GSTM5: variants seen among roughly 807,000 people sequenced by gnomAD.
GSTM5 encodes glutathione S-transferase mu 5.
Under a neutral mutation model 29.0 loss-of-function variants are expected in GSTM5, and 24 were observed. The ratio of observed to expected loss-of-function variants is 0.83; its 90% confidence interval spans 0.60 to 1.16. The LOEUF is 1.16. GSTM5 is among the 50% of genes most tolerant of loss of function. The pLI, the probability that GSTM5 is intolerant of heterozygous loss-of-function variation, is 0.00. For missense variants in GSTM5, 290 were observed against 263.0 expected (o/e 1.10, Z -0.71); for synonymous variants, 91 against 93.6 (o/e 0.97, Z 0.16).
At chr1:109,716,683 C>A (rs1008651871) in intron 7 of GSTM5, 1 of 152,728 alleles carries the variant, frequency 6.5e-6, no homozygotes, top group Non-Finnish European at 1.5e-5. Flanking sequence ...TTACCCTATT[C>A]AGTTTCATCC....
chr1:109,712,705 C>G lies in GSTM5; in HGVS notation c.112+12C>G, dbSNP rs1648601804. The G allele has an allele frequency of 6.2e-7, 1 of 1,613,798 alleles. No individual in the cohort carries two copies. The highest frequency in any genetic ancestry group is 8.5e-7 in the Non-Finnish European group (1 of 1,179,656). ...CACGCTGGGGGACGGTAATGGCACC[C>G]TCGTGTCCGGGCCCTGCCCACTCAC... is the stretch of plus-strand genomic sequence containing the variant. On this transcript the variant is annotated intron_variant, in intron 2 of 7. Coordinates refer to ENST00000256593, the MANE Select transcript of GSTM5 (RefSeq NM_000851.4).
In GSTM5 at chr1:109,712,691, A is replaced by G; in HGVS notation, c.110A>G (p.Asp37Gly). 6.2e-7 allele frequency: 1 copy of G among 1,613,762 alleles called. No homozygotes were observed. Among genetic ancestry groups the G allele is most frequent in the Non-Finnish European group, 8.5e-7 (1 of 1,179,764 alleles). Residue 37 changes from aspartate (D) to glycine (G), a missense_variant and splice_region_variant, in exon 2 of 8, where the codon GAC becomes GGC. Coordinates refer to ENST00000256593, the MANE Select transcript of GSTM5 (RefSeq NM_000851.4). ...GTGGAAAAGAAGTACACGCTGGGGG[A>G]CGGTAATGGCACCCTCGTGTCCGGG... ...SYVEKKYTLG[D>G]APDYDRSQWL...
In GSTM5 at chr1:109,713,772, C is replaced by A; in HGVS notation, c.360+11C>A. On this transcript the variant is annotated intron_variant, in intron 5 of 7. Transcript: ENST00000256593. ...TATGACCCAGATTTTGTGAGTCCCA[C>A]ACCCCACTCCCAGTCACCCATTTCC... 1.2e-6 allele frequency: 2 copies of A among 1,605,598 alleles called. No individual in the cohort carries two copies. The highest frequency in any genetic ancestry group is 1.7e-6 in the Non-Finnish European group (2 of 1,173,136).
rs201920628 is a variant in GSTM5, at chr1:109,713,199, G to A, written c.177+16G>A. On this transcript the variant is annotated intron_variant, in intron 3 of 7. Coordinates refer to ENST00000256593, the MANE Select transcript of GSTM5 (RefSeq NM_000851.4). The stretch of plus-strand genomic sequence containing the variant: ...CTTTCCCAATGTAGGTGCAGGGGAA[G>A]GGGCGGTTTTGGGGGAAAGTGCGAC... 4 of 1,612,164 alleles carry A rather than the reference G, an allele frequency of 2.5e-6. No individual in the cohort carries two copies. The highest frequency in any genetic ancestry group is 2.2e-5 in the East Asian group (1 of 44,898).
upstream of GSTM5, among the ~76,000 whole-genome samples, chr1:109,711,898 G>T (rs12731384): frequency 0.055 from 7,407 of 133,684 alleles, 470 homozygotes; most frequent in South Asian, 0.1. Flanking sequence ...ACTCGGCAGC[G>T]GAGAGAAGGC....
rs1402785043 is a variant in GSTM5 at position 109,715,187 on chromosome 1, C to A, written c.514C>A (p.Pro172Thr). The A allele has an allele frequency of 5.6e-6, 9 of 1,614,226 alleles. No homozygotes were observed. In the South Asian group the frequency reaches 9.9e-5, roughly 18 times the overall value. ...CCTTGACATGAAGCGTATATTTGAGCCCAAGTGCTTGGACGCCTTCCTAAA... is the reference window on the plus strand; with the variant it reads ...CCTTGACATGAAGCGTATATTTGAGACCAAGTGCTTGGACGCCTTCCTAAA... The part of the protein sequence containing the change: ...DVLDMKRIFE[P>T]KCLDAFLNLK... Residue 172 changes from proline to threonine, a missense_variant, in exon 7 of 8, where the codon CCC (proline) becomes ACC (threonine). Pro to Thr is a conservative substitution (Grantham distance 38, BLOSUM62 -1). Transcript: ENST00000256593.
At chr1:109,717,260 C>T (rs1648779860) in intron 7 of GSTM5, 77 bp from the exon 8 acceptor site, 2 of 1,089,828 alleles carry the variant, frequency 1.8e-6, no homozygotes, top group Non-Finnish European at 2.8e-6. Flanking sequence ...GGGCCCTGAC[C>T]TGCTGTGCCT....
chr1:109,716,844 C>G (rs926976787), intron 7 of GSTM5: 1 of 154,170 alleles, frequency 6.5e-6, no homozygotes, highest in Admixed American at 6.4e-5. Context: ...ATGTTTGTGC[C>G]GACAAGGAGT....
chr1:109,713,354 G>A, intron 3 of GSTM5, 130 bp from the exon 4 acceptor site: 2 of 1,406,794 alleles, frequency 1.4e-6, no homozygotes, highest in Non-Finnish European at 2.0e-6. Context: ...TCATTTATTA[G>A]TGTGACAGTA....
chr1:109,713,753 C>T lies in GSTM5; in HGVS notation c.352C>T (p.Pro118Ser), dbSNP rs769866395. The change falls in exon 5 of 8, where the codon CCA becomes TCA. Residue 118 changes from proline (P) to serine (S), a missense_variant. By Grantham distance (74) the Pro-to-Ser change is moderately conservative. Transcript: ENST00000256593. ...GGAGCTGGTCAGACTGTGCTATGAC[C>T]CAGATTTTGTGAGTCCCACACCCCA... ...HMELVRLCYD[P>S]DFEKLKPKYL... The T allele has an allele frequency of 6.2e-7, 1 of 1,612,354 alleles. No homozygotes were observed. The highest frequency in any genetic ancestry group is 8.5e-7 in the Non-Finnish European group (1 of 1,179,342).
At chr1:109,713,860 G>A in intron 5 of GSTM5, 99 bp downstream of exon 5, 1 of 748,374 alleles carries the variant, frequency 1.3e-6, no homozygotes, top group Non-Finnish European at 2.3e-6. Flanking sequence ...ACTCCGGCCA[G>A]CTGACTGGAG....
chr1:109,717,097 A>ACCCAGCACAGTGTAGATCTTT, intron 7 of GSTM5: 1 of 392,982 alleles, frequency 2.5e-6, no homozygotes, highest in Non-Finnish European at 4.7e-6. Context: ...GATATAAAGC[A>ACCCAGCACAGTGTAGATCTTT]CCCAGCACAG....
chr1:109,713,943 G>A (rs1237299555), intron 5 of GSTM5, 182 bp downstream of exon 5: 2 of 471,838 alleles, frequency 4.2e-6, no homozygotes, highest in Non-Finnish European at 7.7e-6. Context: ...TGGACATTTT[G>A]GAGAACCAGA....
chr1:109,715,139 G>T lies in GSTM5; in HGVS notation c.466G>T (p.Val156Leu), dbSNP rs1447214631. The change falls in exon 7 of 8, where the codon GTG becomes TTG. Residue 156 changes from valine to leucine, a missense_variant. Transcript: ENST00000256593. Reference protein sequence around the residue: ...PWFAGDKITFVDFLAYDVLDM... With the variant: ...PWFAGDKITFLDFLAYDVLDM... Reference sequence around the variant, plus strand: ...TCTTGGCCTTCTTCAGATCACCTTTGTGGATTTCCTTGCCTATGATGTCCT... The same window carrying T: ...TCTTGGCCTTCTTCAGATCACCTTTTTGGATTTCCTTGCCTATGATGTCCT... 6.2e-7 allele frequency: 1 copy of T among 1,614,126 alleles called. No individual in the cohort carries two copies. Among genetic ancestry groups the T allele is most frequent in the Non-Finnish European group, 8.5e-7 (1 of 1,180,056 alleles).
intron 7 of GSTM5, chr1:109,716,651 G>C (rs1450234887): frequency 6.5e-6 from 1 of 152,702 alleles, no homozygotes; most frequent in Non-Finnish European, 1.5e-5. Flanking sequence ...GCCTGGTCTG[G>C]CCTTCCTTTG....
intron 5 of GSTM5, 171 bp from the exon 6 acceptor site, chr1:109,714,776 G>A (rs1557971969): frequency 1.5e-6 from 1 of 668,848 alleles, no homozygotes; most frequent in East Asian, 2.6e-5. Context: ...CCCAGTCAGA[G>A]TCTAATAAAT....
rs1648791887 is a variant in GSTM5 at position 109,717,503 on chromosome 1, G to A, written c.*77G>A. 1 of 977,648 alleles carries A rather than the reference G, an allele frequency of 1.0e-6. No homozygotes were observed. The highest frequency in any genetic ancestry group is 1.7e-5 in the Admixed American group (1 of 58,018). 60.6% of individuals were successfully genotyped at this position (977,648 alleles called of 1,614,324 possible). On this transcript the variant is annotated 3_prime_UTR_variant, in exon 8 of 8. Coordinates refer to ENST00000256593, the MANE Select transcript of GSTM5 (RefSeq NM_000851.4). ...ACCCTGGAGGACAGCCTGACTCCCTGGACCTGCCTTCTTCCTTTTTCCTTC... is the reference window on the plus strand; with the variant it reads ...ACCCTGGAGGACAGCCTGACTCCCTAGACCTGCCTTCTTCCTTTTTCCTTC...
At position 109,713,500 on chromosome 1, in the gene GSTM5, A is replaced by G. The variant is rs747380458; in HGVS notation, c.194A>G (p.Asp65Gly). 6.2e-7 allele frequency: 1 copy of G among 1,614,202 alleles called. No individual in the cohort carries two copies. The highest frequency in any genetic ancestry group is 8.5e-7 in the Non-Finnish European group (1 of 1,180,036). Residue 65 changes from aspartate (D) to glycine (G), a missense_variant, in exon 4 of 8, where the codon GAT becomes GGT. Physicochemically the swap from Asp to Gly is moderately conservative, Grantham distance 94. Transcript: ENST00000256593. ...LDFPNLPYLIDGAHKITQSNA... is the reference protein window; with the variant it reads ...LDFPNLPYLIGGAHKITQSNA... ...TCTATCCAGCTGCCCTACTTGATTG[A>G]TGGGGCTCACAAGATCACCCAGAGC...
In GSTM5 at chr1:109,714,976, A is replaced by C; in HGVS notation, c.390A>C (p.Glu130Asp). 3.1e-6 allele frequency: 5 copies of C among 1,614,092 alleles called. No homozygotes were observed. The highest frequency in any genetic ancestry group is 4.2e-6 in the Non-Finnish European group (5 of 1,180,018). ...FEKLKPKYLE[E>D]LPEKLKLYSE... is the part of the protein sequence containing the mutation. ...AACTGAAGCCAAAATACTTGGAGGA[A>C]CTCCCTGAAAAGCTAAAGCTCTACT... is the stretch of plus-strand genomic sequence containing the variant. Residue 130 changes from glutamate (E) to aspartate (D), a missense_variant, in exon 6 of 8, where the codon GAA becomes GAC. Physicochemically the swap from Glu to Asp is conservative, Grantham distance 45 (BLOSUM62 2). Transcript: ENST00000256593.
Sources: allele counts gnomAD v4.1 joint callset (sites outside exome capture counted in the v4.1 genomes callset), GRCh38; gene constraint gnomAD v4.1.1; transcripts MANE v1.5; gene names NCBI Gene and HGNC (gene_info 2026-07-23, HGNC 2026-07-21).